PTPRD: variants seen among roughly 807,000 people sequenced by gnomAD.
PTPRD encodes the protein protein tyrosine phosphatase receptor type D.
In PTPRD, 34 loss-of-function variants were observed where a neutral mutation model predicts 214.5. The ratio of observed to expected loss-of-function variants is 0.16; its 90% confidence interval spans 0.12 to 0.21. The LOEUF (loss-of-function observed/expected upper bound fraction) is 0.21. PTPRD is among the 10% of genes least tolerant of loss of function. PTPRD has a pLI of 1.00. For missense variants in PTPRD, 2,545 were observed against 2,398.7 expected, an observed-to-expected ratio of 1.06 and a Z score of -1.27; for synonymous variants, 1,128 against 845.7, an observed-to-expected ratio of 1.33 and a Z score of -5.79.
chr9:9,800,395 T>C (rs990182646), intron 5 of PTPRD, among the ~76,000 whole-genome samples: 1 of 152,176 alleles, frequency 6.6e-6, no homozygotes, highest in Non-Finnish European at 1.5e-5. Flanking sequence ...TAATATTTCA[T>C]AAATGTATAT....
At chr9:8,487,879 G>A (rs1372246518) in intron 27 of PTPRD, among the ~76,000 whole-genome samples, 8 of 151,856 alleles carry the variant, frequency 5.3e-5, no homozygotes, top group African/African-American at 1.9e-4. Context: ...TACGGGGGGA[G>A]GGGGGAAGGC....
At chr9:10,251,589 C>A (rs549690569) in intron 3 of PTPRD, among the ~76,000 whole-genome samples, 7 of 152,006 alleles carry the variant, frequency 4.6e-5, no homozygotes, top group Admixed American at 3.3e-4. Flanking sequence ...AATGACAGTA[C>A]CTGTATAATA....
chr9:10,403,826 G>T (rs13299056), intron 2 of PTPRD, among the ~76,000 whole-genome samples: 1 of 151,592 alleles, frequency 6.6e-6, no homozygotes. Context: ...AAGACCAGTG[G>T]TTCTCAGTGA....
In PTPRD at chr9:8,436,642, T is replaced by A; in HGVS notation, c.4036A>T (p.Ile1346Phe). ...PIPILELADHIERLKANDNLK... is the reference protein window; with the variant it reads ...PIPILELADHFERLKANDNLK... ...TTGTCATTTGCTTTCAATCTTTCAA[T>A]GTGGTCTGCAAGTTCCAAGATGGGT... The change falls in exon 35 of 46, where the codon ATT (isoleucine) becomes TTT (phenylalanine). Residue 1346 changes from isoleucine (I) to phenylalanine (F), a missense_variant. Coordinates refer to ENST00000381196, the MANE Select transcript of PTPRD (RefSeq NM_002839.4). 6.2e-7 allele frequency: 1 copy of A among 1,613,624 alleles called. No homozygotes were observed. Among genetic ancestry groups the A allele is most frequent in the South Asian group, 1.1e-5 (1 of 91,070 alleles).
At chr9:8,984,373 C>T (rs1161081520) in intron 11 of PTPRD, among the ~76,000 whole-genome samples, 2 of 151,954 alleles carry the variant, frequency 1.3e-5, no homozygotes, top group Non-Finnish European at 2.9e-5. Context: ...TACGATGAAT[C>T]TTTAATAACA....
intron 8 of PTPRD, among the ~76,000 whole-genome samples, chr9:9,501,086 C>T (rs1012679439): frequency 6.6e-6 from 1 of 151,514 alleles, no homozygotes; most frequent in Non-Finnish European, 1.5e-5. Flanking sequence ...AGAGGAAAAA[C>T]AAGGCAATAA....
At chr9:9,605,058 A>G (rs1348300550) in intron 7 of PTPRD, among the ~76,000 whole-genome samples, 2 of 152,014 alleles carry the variant, frequency 1.3e-5, no homozygotes, top group Admixed American at 6.6e-5. Flanking sequence ...ATCTATTTGA[A>G]TGGAACTTAC....
chr9:9,278,508 C>T (rs1054656209), intron 9 of PTPRD, among the ~76,000 whole-genome samples: 1 of 151,162 alleles, frequency 6.6e-6, no homozygotes, highest in Admixed American at 6.6e-5. Context: ...GGATACTGTA[C>T]TAAATTGAGG....
chr9:8,626,055 G>C (rs145472627), intron 14 of PTPRD, among the ~76,000 whole-genome samples: 123 of 151,706 alleles, frequency 8.1e-4, no homozygotes, highest in African/African-American at 2.8e-3. Flanking sequence ...CCCTAGATGA[G>C]GCATTTGGCA....
At chr9:10,073,076 C>A (rs1490294242) in intron 3 of PTPRD, among the ~76,000 whole-genome samples, 1 of 151,896 alleles carries the variant, frequency 6.6e-6, no homozygotes, top group African/African-American at 2.4e-5. Context: ...AAAATGGTGA[C>A]AGGTAAAACT....
At position 8,832,690 on chromosome 9, in the gene PTPRD, G is replaced by C. The variant is rs571430053; in HGVS notation, c.-103-98744C>G. Among the ~76,000 whole-genome samples, 5 of 152,016 alleles carry C rather than the reference G, an allele frequency of 3.3e-5. No individual in the cohort carries two copies. In the South Asian group the frequency reaches 8.3e-4, roughly 25 times the overall value. On this transcript the variant is annotated intron_variant, in intron 11 of 45. Coordinates refer to ENST00000381196, the MANE Select transcript of PTPRD (RefSeq NM_002839.4). Reference sequence around the variant, plus strand: ...GCAGGATCACAAGACTTCACAAAGAGGATTATTTTAAATGTGAAATCTTTC... The same window carrying C: ...GCAGGATCACAAGACTTCACAAAGACGATTATTTTAAATGTGAAATCTTTC...
intron 3 of PTPRD, among the ~76,000 whole-genome samples, chr9:10,220,152 T>G (rs2154348346): frequency 6.6e-6 from 1 of 152,032 alleles, no homozygotes; most frequent in South Asian, 2.1e-4. Flanking sequence ...TTAGTATCAC[T>G]TTTAAGGTCA....
intron 3 of PTPRD, among the ~76,000 whole-genome samples, chr9:10,156,209 T>C (rs2099092449): frequency 6.6e-6 from 1 of 151,872 alleles, no homozygotes; most frequent in Non-Finnish European, 1.5e-5. Flanking sequence ...GTTCTCTAGC[T>C]CTTTTAGTTG....
intron 9 of PTPRD, among the ~76,000 whole-genome samples, chr9:9,193,631 A>T (rs957239688): frequency 1.3e-5 from 2 of 152,152 alleles, no homozygotes; most frequent in Admixed American, 1.3e-4. Flanking sequence ...AATGGCAAGT[A>T]TTTTTGTATC....
chr9:9,596,406 A>T (rs9408778), intron 7 of PTPRD, among the ~76,000 whole-genome samples: 41,387 of 151,788 alleles, frequency 0.27, 7,160 homozygotes, highest in Non-Finnish European at 0.38. Flanking sequence ...TAAGAGTCTT[A>T]TAGGGACGAT....
At chr9:8,634,561 T>C (rs1188529417) in intron 13 of PTPRD, among the ~76,000 whole-genome samples, 2 of 152,114 alleles carry the variant, frequency 1.3e-5, no homozygotes, top group Non-Finnish European at 2.9e-5. Context: ...TTCACAAAAA[T>C]ATTCAAAATG....
intron 10 of PTPRD, among the ~76,000 whole-genome samples, chr9:9,055,765 T>C (rs1010363544): frequency 1.1e-4 from 17 of 150,260 alleles, no homozygotes; most frequent in Non-Finnish European, 1.8e-4. Context: ...TAACAATATA[T>C]AAATGCAACA....
At chr9:8,992,357 T>A (rs148455189) in intron 11 of PTPRD, among the ~76,000 whole-genome samples, 4 of 152,208 alleles carry the variant, frequency 2.6e-5, no homozygotes, top group Non-Finnish European at 4.4e-5. Context: ...GTGATCAACC[T>A]TTGTTAAAAG....
chr9:9,576,412 T>C (rs1033019343), intron 7 of PTPRD, among the ~76,000 whole-genome samples: 2 of 152,154 alleles, frequency 1.3e-5, no homozygotes, highest in African/African-American at 4.8e-5. Context: ...GGCTCATTTG[T>C]ACAGTATCAC....
Sources: allele counts gnomAD v4.1 joint callset (sites outside exome capture counted in the v4.1 genomes callset), GRCh38; gene constraint gnomAD v4.1.1; transcripts MANE v1.5; gene names NCBI Gene and HGNC (gene_info 2026-07-23, HGNC 2026-07-21).